The following KMO variants were observed in gnomAD, a reference collection of about 807,000 sequenced individuals.
The protein encoded by KMO is kynurenine 3-monooxygenase, also known as kynurenine 3-hydroxylase.
KMO carries 24 observed loss-of-function variants against 57.8 expected under a neutral mutation model. That is an observed-to-expected ratio of 0.42 (90% CI 0.30 to 0.58). The LOEUF is 0.58. Ranked by LOEUF, KMO falls within the 20% of genes least tolerant of loss-of-function variation. The pLI, the probability that KMO is intolerant of heterozygous loss-of-function variation, is 0.22. For missense variants in KMO, 483 were observed against 588.2 expected (o/e 0.82, Z 1.85); for synonymous variants, 210 against 193.6 (o/e 1.08, Z -0.70).
intron 10 of KMO, 73 bp from the exon 11 acceptor site, chr1:241,586,606 T>C (rs1433304690): frequency 9.9e-7 from 1 of 1,006,496 alleles, no homozygotes; most frequent in Non-Finnish European, 1.5e-6. Flanking sequence ...GGAATATCTA[T>C]TCAAAATCAA....
At chr1:241,560,868 T>C (rs997307792) in intron 6 of KMO, 116 bp downstream of exon 6, 3 of 714,768 alleles carry the variant, frequency 4.2e-6, no homozygotes, top group African/African-American at 3.6e-5. Flanking sequence ...GAAAGGATCA[T>C]CCAAATAGTT....
chr1:241,562,832 C>T (rs1661904887), intron 7 of KMO, among the ~76,000 whole-genome samples: 1 of 149,084 alleles, frequency 6.7e-6, no homozygotes, highest in Non-Finnish European at 1.5e-5. Flanking sequence ...TAGCCCAATC[C>T]TGTCTTGAAA....
intron 8 of KMO, among the ~76,000 whole-genome samples, chr1:241,565,386 A>G (rs964857312): frequency 6.6e-6 from 1 of 152,132 alleles, no homozygotes; most frequent in Admixed American, 6.6e-5. Context: ...GAAGTGATTC[A>G]GCCTTTAAGG....
chr1:241,535,933 C>G (rs1259031954), intron 1 of KMO, among the ~76,000 whole-genome samples: 1 of 152,130 alleles, frequency 6.6e-6, no homozygotes, highest in Non-Finnish European at 1.5e-5. Flanking sequence ...GTTTATTCCC[C>G]ATAGAAGCTT....
At chr1:241,589,755 T>C (rs987042625) in intron 12 of KMO, among the ~76,000 whole-genome samples, 1 of 152,194 alleles carries the variant, frequency 6.6e-6, no homozygotes, top group African/African-American at 2.4e-5. Context: ...TCTGCTGAAA[T>C]TGACTTCCTC....
intron 1 of KMO, among the ~76,000 whole-genome samples, chr1:241,538,754 C>A (rs1573900548): frequency 6.6e-6 from 1 of 152,244 alleles, no homozygotes; most frequent in East Asian, 1.9e-4. Context: ...CCTCATAAAT[C>A]CCACTCTCAC....
intron 10 of KMO, among the ~76,000 whole-genome samples, chr1:241,578,395 T>C (rs1041299835): frequency 6.6e-6 from 1 of 152,102 alleles, no homozygotes; most frequent in African/African-American, 2.4e-5. Context: ...ATGGCATGTT[T>C]CATTGATGTG....
intron 1 of KMO, 63 bp downstream of exon 1, chr1:241,532,561 T>A: frequency 1.6e-6 from 2 of 1,214,696 alleles, no homozygotes; most frequent in Non-Finnish European, 2.3e-6. Context: ...TTACTCGTAA[T>A]GATTATTATT....
Position 241,568,719 on chromosome 1 carries a change from A to C in KMO, c.957+72A>C. The C allele has an allele frequency of 2.1e-6, 3 of 1,425,968 alleles. No homozygotes were observed. The South Asian group carries it at 3.7e-5, about 17-fold the overall frequency. 88.3% of individuals were successfully genotyped at this position (1,425,968 alleles called of 1,614,324 possible). ...GTCTCAGCTAACAAGTCTTACGTAAAAAATATGTCTAAGACTATCCCCACA... is the reference window on the plus strand; with the variant it reads ...GTCTCAGCTAACAAGTCTTACGTAACAAATATGTCTAAGACTATCCCCACA... On this transcript the variant is annotated intron_variant, in intron 10 of 14. Coordinates refer to ENST00000366559, the MANE Select transcript of KMO (RefSeq NM_003679.5).
At chr1:241,563,769 A>G (rs1326882614) in intron 7 of KMO, among the ~76,000 whole-genome samples, 5 of 152,208 alleles carry the variant, frequency 3.3e-5, no homozygotes, top group African/African-American at 1.2e-4. Flanking sequence ...TAGGCATGGC[A>G]ATGTGACTCA....
chr1:241,591,638 C>G (rs1663306125), intron 14 of KMO, among the ~76,000 whole-genome samples: 1 of 152,176 alleles, frequency 6.6e-6, no homozygotes, highest in Non-Finnish European at 1.5e-5. Context: ...CAGCAGTACT[C>G]TTCTAAGAAT....
chr1:241,584,525 A>T lies in KMO; in HGVS notation c.958-2154A>T, dbSNP rs138090928. On this transcript the variant is annotated intron_variant, in intron 10 of 14. Transcript: ENST00000366559. ...ATTGACAAGGTTGAGTAAAACTATGAGCTGATTAGATGTTGAACACTACTG... is the reference window on the plus strand; with the variant it reads ...ATTGACAAGGTTGAGTAAAACTATGTGCTGATTAGATGTTGAACACTACTG... Among the ~76,000 whole-genome samples, 7 of 152,286 alleles carry T rather than the reference A, an allele frequency of 4.6e-5. No homozygotes were observed. In the East Asian group the frequency reaches 1.4e-3, roughly 29 times the overall value.
intron 1 of KMO, among the ~76,000 whole-genome samples, chr1:241,538,863 G>A (rs1660845686): frequency 6.6e-6 from 1 of 152,144 alleles, no homozygotes; most frequent in Non-Finnish European, 1.5e-5. Context: ...ACTTTGTTAA[G>A]TGCCTACAAA....
chr1:241,594,604 T>C lies in KMO; in HGVS notation c.*2451T>C. The C allele has an allele frequency of 6.2e-7, 1 of 1,614,120 alleles. No individual in the cohort carries two copies. The highest frequency in any genetic ancestry group is 8.5e-7 in the Non-Finnish European group (1 of 1,179,992). On this transcript the variant is annotated 3_prime_UTR_variant, in exon 15 of 15. Transcript: ENST00000366559. ...GACATCACAATGGGTCTGATCTGCA[T>C]TTCACTTCCAGCTGCTGGTAGGTCT...
At chr1:241,539,237 AGCCAGGCATGGCAGTGTGT>A (rs1387142789) in intron 1 of KMO, among the ~76,000 whole-genome samples, 1 of 152,088 alleles carries the variant, frequency 6.6e-6, no homozygotes, top group Non-Finnish European at 1.5e-5. Flanking sequence ...CAAAAAAATT[AGCCAGGCATGGCAGTGTGT>A]GCCTGTAGTC....
chr1:241,558,807 T>C (rs1661732843), intron 5 of KMO, among the ~76,000 whole-genome samples: 1 of 150,290 alleles, frequency 6.7e-6, no homozygotes, highest in South Asian at 2.1e-4. Flanking sequence ...GGTGGTGTTA[T>C]GTTTAATAAG....
intron 10 of KMO, among the ~76,000 whole-genome samples, chr1:241,572,781 C>A (rs1662352039): frequency 6.6e-6 from 1 of 151,940 alleles, no homozygotes; most frequent in African/African-American, 2.4e-5. Flanking sequence ...AGTTTTTTGT[C>A]ACTCACTCCC....
chr1:241,545,468 G>T (rs1188321474), intron 1 of KMO, among the ~76,000 whole-genome samples: 1 of 152,052 alleles, frequency 6.6e-6, no homozygotes, highest in African/African-American at 2.4e-5. Context: ...ATCTGTTCCG[G>T]GTCCCTCTCC....
At chr1:241,566,451 G>GC (rs1383605549) in intron 8 of KMO, 40 bp from the exon 9 acceptor site, 1 of 1,588,128 alleles carries the variant, frequency 6.3e-7, no homozygotes, top group Admixed American at 1.8e-5. Context: ...GCGTCACTTG[G>GC]CCCCCATCCC....
Sources: gnomAD v4.1 joint callset for allele counts (sites outside exome capture counted in the v4.1 genomes callset) on GRCh38, gnomAD v4.1.1 for gene constraint, MANE v1.5 for transcripts, NCBI Gene and HGNC (gene_info 2026-07-23, HGNC 2026-07-21) for gene names.